Variants in BZW2 observed in about 807,000 individuals in gnomAD.
BZW2 encodes the protein basic leucine zipper and W2 domains 2.
In BZW2, 23 loss-of-function variants were observed where a neutral mutation model predicts 53.2. The observed-to-expected ratio is 0.43, with a 90% confidence interval of 0.31 to 0.61. The LOEUF (loss-of-function observed/expected upper bound fraction) is 0.61, where lower values mean the gene tolerates loss of function less well. Ranked by LOEUF, BZW2 falls within the 20% of genes least tolerant of loss-of-function variation. BZW2 has a pLI of 0.09. For missense variants in BZW2, 409 were observed against 503.1 expected (o/e 0.81, Z 1.79); for synonymous variants, 227 against 186.4 (o/e 1.22, Z -1.77).
At position 16,665,476 on chromosome 7, in the gene BZW2, C is replaced by A. The variant is rs1782394124; in HGVS notation, c.33C>A (p.Gly11=). 3.7e-6 allele frequency: 6 copies of A among 1,613,856 alleles called. No homozygotes were observed. The highest frequency in any genetic ancestry group is 1.6e-4 in the Middle Eastern group (1 of 6,062). The change falls in exon 2 of 12, where the codon GGC becomes GGA. Residue 11 remains glycine (G), a synonymous_variant. Transcript: ENST00000258761. MNKHQKPVLT[G]QRFKTRKRDE... ...AGCATCAGAAGCCAGTGCTAACAGGCCAGCGGTTCAAAACTCGGAAAAGGG... is the reference window on the plus strand; with the variant it reads ...AGCATCAGAAGCCAGTGCTAACAGGACAGCGGTTCAAAACTCGGAAAAGGG...
In BZW2 at chr7:16,669,485, A is replaced by G. The variant is rs182596817; in HGVS notation, c.58+3984A>G. On this transcript the variant is annotated intron_variant, in intron 2 of 11. Coordinates refer to ENST00000258761, the MANE Select transcript of BZW2 (RefSeq NM_014038.3). The stretch of plus-strand genomic sequence containing the variant: ...TATAGTAAGTGGTGTTAATAACTAA[A>G]TGAGCAAACCTTTAAATCTTGAAAT... Among the ~76,000 whole-genome samples, 276 of 152,362 alleles carry G rather than the reference A, an allele frequency of 1.8e-3. 1 individual carries two copies. The highest frequency in any genetic ancestry group is 6.4e-3 in the African/African-American group (266 of 41,590).
chr7:16,647,122 G>A (rs908842752), intron 1 of BZW2, among the ~76,000 whole-genome samples: 24 of 152,258 alleles, frequency 1.6e-4, no homozygotes, highest in African/African-American at 5.3e-4. Flanking sequence ...GTGTATTTCA[G>A]AATAAGATTT....
intron 9 of BZW2, among the ~76,000 whole-genome samples, chr7:16,697,593 A>C (rs2128368933): frequency 6.6e-6 from 1 of 152,310 alleles, no homozygotes; most frequent in East Asian, 1.9e-4. Context: ...GTCTCAGAAA[A>C]ACAATGGCTA....
intron 7 of BZW2, among the ~76,000 whole-genome samples, chr7:16,690,214 T>C (rs1464067252): frequency 6.6e-6 from 1 of 152,002 alleles, no homozygotes; most frequent in Non-Finnish European, 1.5e-5. Flanking sequence ...TTACTTTTTT[T>C]TTTTTTGAGA....
chr7:16,699,328 C>A (rs1338650175), intron 10 of BZW2, among the ~76,000 whole-genome samples: 1 of 152,130 alleles, frequency 6.6e-6, no homozygotes, highest in East Asian at 1.9e-4. Context: ...CCCAATGATA[C>A]CCAAAGTGAT....
At chr7:16,683,223 A>T (rs1783008530) in intron 5 of BZW2, among the ~76,000 whole-genome samples, 1 of 152,212 alleles carries the variant, frequency 6.6e-6, no homozygotes, top group Non-Finnish European at 1.5e-5. Flanking sequence ...AAAATTTTAC[A>T]TGTACAATGA....
intron 1 of BZW2, chr7:16,662,186 T>C (rs1006353466): frequency 5.3e-5 from 8 of 152,150 alleles, no homozygotes; most frequent in African/African-American, 1.7e-4. Context: ...CTGCTCCAAA[T>C]AGTAACAGCT....
At position 16,662,404 on chromosome 7, in the gene BZW2, A is replaced by G. The variant is rs550686455; in HGVS notation, c.-7-3033A>G. 3.3e-5 allele frequency: 5 copies of G among 152,276 alleles called. No individual in the cohort carries two copies. In the East Asian group the frequency reaches 9.6e-4, roughly 29 times the overall value. The allele number at this position is 152,276 out of a possible 1,614,324, so 9.4% of individuals were successfully genotyped here. A position where few individuals can be genotyped will look rare whatever the true frequency, so the allele number is the denominator to read the frequency against. On this transcript the variant is annotated intron_variant, in intron 1 of 11. Transcript: ENST00000258761. ...CACATACCTGGGTTATAAAGAAACA[A>G]ACTTTTATGCTTAGAAAGGAAGTAA...
intron 5 of BZW2, among the ~76,000 whole-genome samples, chr7:16,683,761 AT>A (rs1258283664): frequency 6.6e-6 from 1 of 152,140 alleles, no homozygotes; most frequent in African/African-American, 2.4e-5. Context: ...TTACTTTGTC[AT>A]TGCTTCCAAT....
In BZW2 at chr7:16,696,910, T is replaced by C. The variant is rs1407454802; in HGVS notation, c.823-5T>C. 1.2e-6 allele frequency: 2 copies of C among 1,613,734 alleles called. No homozygotes were observed. Among genetic ancestry groups the C allele is most frequent in the Non-Finnish European group, 8.5e-7 (1 of 1,179,850 alleles). On this transcript the variant is annotated splice_polypyrimidine_tract_variant and splice_region_variant and intron_variant, in intron 8 of 11. Coordinates refer to ENST00000258761, the MANE Select transcript of BZW2 (RefSeq NM_014038.3). ...ACTTTCTGACCCCATTTCCATGTAA[T>C]GTAGGTGGTGCTTTATGTCAAAGAA...
intron 5 of BZW2, among the ~76,000 whole-genome samples, chr7:16,685,515 C>T (rs1196129067): frequency 2.0e-5 from 3 of 151,256 alleles, no homozygotes; most frequent in African/African-American, 4.9e-5. Flanking sequence ...AAGAGGTAGT[C>T]GCCCAAGGAA....
chr7:16,654,622 C>T (rs1782075362), intron 1 of BZW2, among the ~76,000 whole-genome samples: 1 of 151,410 alleles, frequency 6.6e-6, no homozygotes, highest in Non-Finnish European at 1.5e-5. Context: ...GCAACCTCTG[C>T]CTCCAGGGTT....
intron 1 of BZW2, among the ~76,000 whole-genome samples, chr7:16,649,214 A>G (rs1444712864): frequency 6.6e-6 from 1 of 152,166 alleles, no homozygotes; most frequent in Non-Finnish European, 1.5e-5. Flanking sequence ...ATTCTACAGT[A>G]TACATTAACT....
At chr7:16,694,409 G>A (rs1016398512) in intron 7 of BZW2, among the ~76,000 whole-genome samples, 2 of 152,142 alleles carry the variant, frequency 1.3e-5, no homozygotes, top group African/African-American at 2.4e-5. Context: ...AGTGTCCCAG[G>A]AAGGCTCAGA....
At chr7:16,651,390 T>G (rs1205786922) in intron 1 of BZW2, among the ~76,000 whole-genome samples, 2 of 152,248 alleles carry the variant, frequency 1.3e-5, no homozygotes, top group Non-Finnish European at 2.9e-5. Flanking sequence ...TTGGATGATA[T>G]TCTACTGTCA....
chr7:16,703,286 AT>A (rs1307102047), intron 10 of BZW2, among the ~76,000 whole-genome samples: 1 of 152,230 alleles, frequency 6.6e-6, no homozygotes, highest in African/African-American at 2.4e-5. Flanking sequence ...GTTTTTAGTG[AT>A]GATAATAAAC....
chr7:16,666,291 G>C (rs1213322282), intron 2 of BZW2, among the ~76,000 whole-genome samples: 2 of 151,624 alleles, frequency 1.3e-5, no homozygotes, highest in Non-Finnish European at 2.9e-5. Context: ...GTAGAGACAG[G>C]GTCTCAAACT....
At chr7:16,689,719 G>A (rs1783241795) in intron 6 of BZW2, 78 bp from the exon 7 acceptor site, 2 of 1,217,488 alleles carry the variant, frequency 1.6e-6, no homozygotes, top group Admixed American at 2.7e-5. Context: ...CACATTTCAG[G>A]AAACCTGGTT....
chr7:16,665,215 A>G (rs1782385681), intron 1 of BZW2, among the ~76,000 whole-genome samples: 1 of 152,058 alleles, frequency 6.6e-6, no homozygotes, highest in East Asian at 1.9e-4. Flanking sequence ...CTGAGGCAGG[A>G]TAATCACTTG....
Sources: allele counts gnomAD v4.1 joint callset (sites outside exome capture counted in the v4.1 genomes callset), GRCh38; gene constraint gnomAD v4.1.1; transcripts MANE v1.5; gene names NCBI Gene and HGNC (gene_info 2026-07-23, HGNC 2026-07-21).